Variants in PHLDB2 observed in about 807,000 individuals in gnomAD.
PHLDB2 encodes pleckstrin homology like domain family B member 2.
In PHLDB2, 71 loss-of-function variants were observed where a neutral mutation model predicts 123.6. The observed-to-expected ratio is 0.57, with a 90% CI of 0.47 to 0.70. The LOEUF (loss-of-function observed/expected upper bound fraction) is 0.70, where lower values mean the gene tolerates loss of function less well. Ranked by LOEUF, PHLDB2 falls within the 30% of genes least tolerant of loss-of-function variation. The pLI, the probability that PHLDB2 is intolerant of heterozygous loss-of-function variation, is 0.00. For missense variants in PHLDB2, 1,446 were observed against 1,519.5 expected, an observed-to-expected ratio of 0.95 and a Z score of 0.80; for synonymous variants, 547 against 541.6, an observed-to-expected ratio of 1.01 and a Z score of -0.14.
At chr3:111,878,210 C>T (rs1031441539) in intron 1 of PHLDB2, among the ~76,000 whole-genome samples, 7 of 152,028 alleles carry the variant, frequency 4.6e-5, no homozygotes, top group South Asian at 2.1e-4. Context: ...CACTTCTTTG[C>T]GTCCTCTCTT....
intron 1 of PHLDB2, among the ~76,000 whole-genome samples, chr3:111,839,660 T>C (rs1040461620): frequency 7.2e-5 from 11 of 152,164 alleles, no homozygotes; most frequent in Non-Finnish European, 1.6e-4. Context: ...GATTTTTTTC[T>C]TTTTTAATTG....
At position 111,911,671 on chromosome 3, in the gene PHLDB2, G is replaced by A. The variant is rs201718364; in HGVS notation, c.1336-1648G>A. The A allele has an allele frequency of 1.4e-3, 2,092 of 1,536,352 alleles. 16 individuals carry two copies. Among genetic ancestry groups the A allele is most frequent in the South Asian group, 0.011 (966 of 84,062 alleles). On this transcript the variant is annotated intron_variant, in intron 2 of 17. Coordinates refer to ENST00000431670, the MANE Select transcript of PHLDB2 (RefSeq NM_001134438.2). The stretch of plus-strand genomic sequence containing the variant: ...CTATGAGTGCCTGCCGTGGGAAGAG[G>A]CCATGAGGACGGAGCTGCAGCTGGA...
intron 1 of PHLDB2, among the ~76,000 whole-genome samples, chr3:111,739,591 AACAAAC>A (rs779699134): frequency 2.2e-5 from 2 of 89,790 alleles, no homozygotes; most frequent in Non-Finnish European, 2.7e-5. Flanking sequence ...AAAAAAACAA[AACAAAC>A]AAAAAAAAAA....
At chr3:111,933,364 G>A (rs1347083641) in intron 6 of PHLDB2, among the ~76,000 whole-genome samples, 6 of 152,106 alleles carry the variant, frequency 3.9e-5, no homozygotes, top group Non-Finnish European at 7.4e-5. Flanking sequence ...AAAATTTATT[G>A]AGATAGCACA....
intron 2 of PHLDB2, among the ~76,000 whole-genome samples, chr3:111,853,701 T>A (rs1209427969): frequency 1.3e-5 from 2 of 151,940 alleles, no homozygotes; most frequent in African/African-American, 4.8e-5. Context: ...CATGGTGAAA[T>A]CCCATCTCTT....
chr3:111,882,249 CA>C (rs760982679), intron 1 of PHLDB2, among the ~76,000 whole-genome samples: 43 of 151,908 alleles, frequency 2.8e-4, no homozygotes, highest in Non-Finnish European at 5.1e-4. Flanking sequence ...TTTTCACTTC[CA>C]AAATATTTAA....
At chr3:111,912,863 G>A (rs942838965) in intron 2 of PHLDB2, among the ~76,000 whole-genome samples, 1 of 152,204 alleles carries the variant, frequency 6.6e-6, no homozygotes, top group Non-Finnish European at 1.5e-5. Flanking sequence ...TGTAATCTCA[G>A]CAACTTTTGG....
At chr3:111,746,372 A>G (rs2059682544) in intron 1 of PHLDB2, among the ~76,000 whole-genome samples, 1 of 152,210 alleles carries the variant, frequency 6.6e-6, no homozygotes, top group Admixed American at 6.5e-5. Context: ...AGCACAGAAA[A>G]CTGAAGGGAA....
At chr3:111,948,267 A>C (rs931341065) in intron 9 of PHLDB2, among the ~76,000 whole-genome samples, 1 of 151,434 alleles carries the variant, frequency 6.6e-6, no homozygotes, top group Admixed American at 6.6e-5. Flanking sequence ...GTGTGTGTGC[A>C]TGTGTGTCTG....
At chr3:111,740,845 T>C (rs941866741) in intron 1 of PHLDB2, among the ~76,000 whole-genome samples, 1 of 149,678 alleles carries the variant, frequency 6.7e-6, no homozygotes, top group Non-Finnish European at 1.5e-5. Flanking sequence ...TGATTATCAA[T>C]GTCAAACTTA....
At chr3:111,861,406 G>C (rs1237406000) in intron 1 of PHLDB2, among the ~76,000 whole-genome samples, 16 of 152,170 alleles carry the variant, frequency 1.1e-4, no homozygotes, top group Admixed American at 1.0e-3. Flanking sequence ...TTTATAACTG[G>C]CAAATTATTT....
At chr3:111,969,152 A>C (rs1246203462) in intron 15 of PHLDB2, among the ~76,000 whole-genome samples, 2 of 152,206 alleles carry the variant, frequency 1.3e-5, no homozygotes, top group African/African-American at 4.8e-5. Flanking sequence ...TACTTTTCAA[A>C]ATATAAATCT....
chr3:111,895,586 G>A (rs913454755), intron 2 of PHLDB2, among the ~76,000 whole-genome samples: 6 of 152,124 alleles, frequency 3.9e-5, no homozygotes, highest in African/African-American at 1.2e-4. Context: ...GTTGGCTCAC[G>A]CCTGTAATCC....
At chr3:111,827,568 G>T (rs1211243771) in intron 1 of PHLDB2, among the ~76,000 whole-genome samples, 6 of 151,930 alleles carry the variant, frequency 3.9e-5, no homozygotes, top group Non-Finnish European at 5.9e-5. Flanking sequence ...CCAGCTACTC[G>T]GGAGGCTGAG....
intron 1 of PHLDB2, among the ~76,000 whole-genome samples, chr3:111,744,496 A>C (rs2059652195): frequency 6.6e-6 from 1 of 152,226 alleles, no homozygotes; most frequent in African/African-American, 2.4e-5. Flanking sequence ...CACAGTACTT[A>C]AATATTTTTG....
intron 2 of PHLDB2, chr3:111,846,131 A>C: frequency 1.7e-6 from 1 of 572,820 alleles, no homozygotes; most frequent in Non-Finnish European, 3.1e-6. Flanking sequence ...ATCTTACTTC[A>C]CTGAAGTCAT....
At chr3:111,798,184 A>C (rs1466028679) in intron 1 of PHLDB2, among the ~76,000 whole-genome samples, 2 of 152,094 alleles carry the variant, frequency 1.3e-5, no homozygotes, top group Non-Finnish European at 2.9e-5. Context: ...GGAATAGAAA[A>C]CAAGGTGAAC....
upstream of PHLDB2, among the ~76,000 whole-genome samples, chr3:111,855,629 C>CTTTTTTTTTTTT (rs11368889): frequency 6.3e-5 from 5 of 79,850 alleles, 1 homozygote; most frequent in Non-Finnish European, 6.5e-5. Flanking sequence ...CTGCATTTGT[C>CTTTTTTTTTTTT]TTTTTTTTTT....
intron 2 of PHLDB2, among the ~76,000 whole-genome samples, chr3:111,893,877 CTT>C (rs67860610): frequency 0.039 from 5,346 of 135,568 alleles, 316 homozygotes; most frequent in African/African-American, 0.13. Context: ...AGCACTATTT[CTT>C]TTTTTTTTTT....
Sources: allele counts gnomAD v4.1 joint callset (sites outside exome capture counted in the v4.1 genomes callset), GRCh38; gene constraint gnomAD v4.1.1; transcripts MANE v1.5; gene names NCBI Gene and HGNC (gene_info 2026-07-23, HGNC 2026-07-21).